Variants in BAIAP2 observed in about 807,000 individuals in gnomAD.
BAIAP2 encodes BAR/IMD domain-containing adapter protein 2.
Under a neutral mutation model 63.0 loss-of-function variants are expected in BAIAP2, and 18 were observed. That is an observed-to-expected ratio of 0.29 (90% CI 0.20 to 0.42). BAIAP2 has a LOEUF of 0.42. BAIAP2 is among the 10% of genes least tolerant of loss of function. The probability of loss-of-function intolerance (pLI) is 1.00; values close to 1 mark genes in which losing one functional copy is unlikely to be tolerated. For synonymous variants in BAIAP2, 386 were observed against 307.6 expected (o/e 1.25, Z -2.67); for missense variants, 610 against 734.3 (o/e 0.83, Z 1.96).
At chr17:81,074,104 T>C (rs2053198714) in intron 3 of BAIAP2, among the ~76,000 whole-genome samples, 2 of 152,178 alleles carry the variant, frequency 1.3e-5, no homozygotes, top group Non-Finnish European at 2.9e-5. Context: ...GTGTGTGCTG[T>C]TGATGAGAGG....
At chr17:81,058,086 A>G (rs2049928112) in intron 3 of BAIAP2, 119 bp downstream of exon 3, 1 of 804,652 alleles carries the variant, frequency 1.2e-6, no homozygotes, top group Non-Finnish European at 1.9e-6. Flanking sequence ...GTCAAATAGG[A>G]AAATATTTTA....
In BAIAP2 at chr17:81,062,931, G is replaced by A. The variant is rs866319316; in HGVS notation, c.217+4964G>A. Among the ~76,000 whole-genome samples, 137 of 57,884 alleles carry A rather than the reference G, an allele frequency of 2.4e-3. 1 individual carries two copies. The highest frequency in any genetic ancestry group is 2.1e-3 in the Admixed American group (13 of 6,218). The allele number at this position is 57,884 out of a possible 152,430, so 38.0% of individuals were successfully genotyped here. On this transcript the variant is annotated intron_variant, in intron 3 of 13. Coordinates refer to ENST00000428708, the MANE Select transcript of BAIAP2 (RefSeq NM_001144888.2). ...GTTACTTCCCCCCCGCCCCCCCGCC[G>A]CCCCCACCAGCTCTGGAGATGTTTG...
intron 13 of BAIAP2, chr17:81,110,431 T>A: frequency 2.0e-6 from 2 of 992,196 alleles, no homozygotes; most frequent in Non-Finnish European, 2.4e-6. Context: ...ATTTTTTTCC[T>A]GTTTCCTTTC....
At chr17:81,102,827 C>A (rs117358907) in intron 7 of BAIAP2, among the ~76,000 whole-genome samples, 1 of 152,202 alleles carries the variant, frequency 6.6e-6, no homozygotes, top group Non-Finnish European at 1.5e-5. Flanking sequence ...CCCGGGAATC[C>A]AGGCCCTGCA....
intron 10 of BAIAP2, chr17:81,105,006 T>TC (rs1229474720): frequency 9.3e-4 from 261 of 281,850 alleles, no homozygotes; most frequent in East Asian, 1.4e-3. Flanking sequence ...GGCAGGGATC[T>TC]CCCCCAATGG....
intron 13 of BAIAP2, among the ~76,000 whole-genome samples, chr17:81,111,877 T>C (rs1402222274): frequency 6.6e-6 from 1 of 152,256 alleles, no homozygotes; most frequent in Non-Finnish European, 1.5e-5. Flanking sequence ...AGCCAGTGCC[T>C]GCATCCTTCA....
rs755061007 is a variant in BAIAP2, at chr17:81,108,154, C to G, written c.1501-321C>G. On this transcript the variant is annotated intron_variant, in intron 12 of 13. Transcript: ENST00000428708. ...TGCTGCAGGTGCCCTGCGGGGGCCT[C>G]GGCTCCCTGGGGGCAGGAGGAGGGG... The G allele has an allele frequency of 1.6e-4, 70 of 448,750 alleles. 1 individual carries two copies. Among genetic ancestry groups the G allele is most frequent in the Non-Finnish European group, 2.7e-4 (67 of 252,262 alleles). The allele number at this position is 448,750 out of a possible 1,614,324, so 27.8% of individuals were successfully genotyped here.
intron 6 of BAIAP2, chr17:81,097,501 C>G (rs967784329): frequency 2.0e-5 from 3 of 152,310 alleles, no homozygotes; most frequent in Non-Finnish European, 4.4e-5. Flanking sequence ...GCACTGCCCA[C>G]CCACGCTGAG....
intron 13 of BAIAP2, chr17:81,110,430 C>CTGTT: frequency 2.0e-6 from 2 of 991,904 alleles, no homozygotes; most frequent in Non-Finnish European, 2.4e-6. Context: ...TATTTTTTTC[C>CTGTT]TGTTTCCTTT....
At position 81,057,984 on chromosome 17, in the gene BAIAP2, C is replaced by T. The variant is rs926784253; in HGVS notation, c.217+17C>T. ...AAGAACTCGGTGAGACCCCCCCCCC[C>T]CCCCCGCCTGGTAGTCGCCTGATGC... On this transcript the variant is annotated intron_variant, in intron 3 of 13. Transcript: ENST00000428708. The T allele has an allele frequency of 4.2e-5, 51 of 1,216,060 alleles. 6 individuals are homozygous for T. Among genetic ancestry groups the T allele is most frequent in the South Asian group, 7.9e-5 (5 of 63,060 alleles). 75.3% of individuals were successfully genotyped at this position (1,216,060 alleles called of 1,614,324 possible).
Position 81,046,706 on chromosome 17 carries a change from C to T in BAIAP2, c.55-6962C>T, listed in dbSNP as rs887314185. 1.3e-5 allele frequency among the ~76,000 whole-genome samples: 2 copies of T among 152,244 alleles called. No individual in the cohort carries two copies. The highest frequency in any genetic ancestry group is 2.1e-4 in the South Asian group (1 of 4,834). On this transcript the variant is annotated intron_variant, in intron 1 of 13. Transcript: ENST00000428708. This position sits in a 1 kb window ranked among gnomAD's most constrained non-coding sequence, Gnocchi z 4.5. ...CCTCCCGCGAGGACACTGTCCACTG[C>T]TGCAGGGCCCCTCCTGTACCTCCCT...
At chr17:81,093,220 AGCCGGGCCCC>A (rs1402550473) in intron 6 of BAIAP2, among the ~76,000 whole-genome samples, 2 of 151,818 alleles carry the variant, frequency 1.3e-5, no homozygotes, top group African/African-American at 4.8e-5. Context: ...AGGGTGGGGC[AGCCGGGCCCC>A]TGCTCAGAAT....
intron 1 of BAIAP2, chr17:81,053,270 G>C (rs1345581849): frequency 1.5e-5 from 3 of 196,058 alleles, no homozygotes; most frequent in Non-Finnish European, 3.1e-5. Context: ...CGGCGTCGTT[G>C]AGCGATTGTG....
intron 3 of BAIAP2, among the ~76,000 whole-genome samples, chr17:81,070,999 G>A (rs184090415): frequency 2.0e-5 from 3 of 152,308 alleles, no homozygotes; most frequent in East Asian, 1.9e-4. Flanking sequence ...TGCTGACCCA[G>A]CCTTGACACC....
intron 13 of BAIAP2, chr17:81,110,931 C>T: frequency 1.2e-6 from 2 of 1,613,914 alleles, no homozygotes; most frequent in Non-Finnish European, 1.7e-6. Flanking sequence ...GTGGAAGTGG[C>T]CAGATTCTGA....
In BAIAP2 at chr17:81,114,612, A is replaced by G. The variant is rs377565945; in HGVS notation, c.1536-1158A>G. ...TCTGGGAGCCTTCCGCAGACCTGTC[A>G]GTCTCTTCCACGTACTTTATTCTCT... On this transcript the variant is annotated intron_variant, in intron 13 of 13. Transcript: ENST00000428708. Among the ~76,000 whole-genome samples, 5 of 152,354 alleles carry G rather than the reference A, an allele frequency of 3.3e-5. No individual in the cohort carries two copies. The East Asian group carries it at 9.6e-4, about 29-fold the overall frequency.
At chr17:81,079,919 C>T (rs749013547) in intron 3 of BAIAP2, among the ~76,000 whole-genome samples, 2 of 152,112 alleles carry the variant, frequency 1.3e-5, no homozygotes, top group Non-Finnish European at 2.9e-5. Context: ...TAAGTCTGCC[C>T]GCCGCATGGG....
intron 10 of BAIAP2, 125 bp from the exon 11 acceptor site, chr17:81,105,951 CTG>C: frequency 1.3e-6 from 1 of 765,100 alleles, no homozygotes; most frequent in Admixed American, 2.3e-5. Context: ...AGCACTGTCT[CTG>C]TTGCTCCAGA....
At chr17:81,063,518 A>G (rs1215178615) in intron 3 of BAIAP2, among the ~76,000 whole-genome samples, 3 of 152,228 alleles carry the variant, frequency 2.0e-5, no homozygotes, top group Non-Finnish European at 4.4e-5. Context: ...GATGAATTCC[A>G]CAAGGCCCCG....
Sources: gnomAD v4.1 joint callset for allele counts (sites outside exome capture counted in the v4.1 genomes callset) on GRCh38, gnomAD v4.1.1 for gene constraint, Gnocchi (gnomAD v3.1) non-coding constraint, MANE v1.5 for transcripts, NCBI Gene and HGNC (gene_info 2026-07-23, HGNC 2026-07-21) for gene names.